The following NENF variants were observed in gnomAD, a reference collection of about 807,000 sequenced individuals.
NENF encodes the protein neudesin neurotrophic factor.
Under a neutral mutation model 14.8 loss-of-function variants are expected in NENF, and 6 were observed. That is an observed-to-expected ratio of 0.40 (90% CI 0.22 to 0.80). The LOEUF is 0.80. Among genes scored for constraint, NENF ranks in the 30% least tolerant of loss-of-function variants. The pLI is 0.34. For missense variants in NENF, 184 were observed against 212.7 expected, an observed-to-expected ratio of 0.87 and a Z score of 0.84; for synonymous variants, 76 against 95.1, an observed-to-expected ratio of 0.80 and a Z score of 1.17.
chr1:212,444,451 G>A lies in NENF; in HGVS notation c.342+9G>A. ...ACCTCACCCATGACACTGTGAGCCA[G>A]ATTATAAGCCTTTGTAAAATCCTCT... On this transcript the variant is annotated intron_variant, in intron 3 of 3. Coordinates refer to ENST00000366988, the MANE Select transcript of NENF (RefSeq NM_013349.5). The A allele has an allele frequency of 1.9e-6, 3 of 1,577,618 alleles. No individual in the cohort carries two copies. Among genetic ancestry groups the A allele is most frequent in the East Asian group, 2.3e-5 (1 of 43,992 alleles).
chr1:212,445,904 C>T lies in NENF; in HGVS notation c.417C>T (p.Ile139=), dbSNP rs1173915601. 9 of 1,614,130 alleles carry T rather than the reference C, an allele frequency of 5.6e-6. No individual in the cohort carries two copies. Among genetic ancestry groups the T allele is most frequent in the Admixed American group, 5.0e-5 (3 of 60,028 alleles). The change falls in exon 4 of 4, where the codon ATC becomes ATT. Residue 139 remains isoleucine, a synonymous_variant. Coordinates refer to ENST00000366988, the MANE Select transcript of NENF (RefSeq NM_013349.5). ...AAGTGTACAAAGCCAAATACCCCAT[C>T]GTCGGCTACACTGCCCGGAGAATTC... The part of the protein sequence containing the change: ...FTKVYKAKYP[I]VGYTARRILN...
chr1:212,433,260 G>T lies in NENF; in HGVS notation c.177+140G>T. 2.6e-6 allele frequency: 1 copy of T among 381,826 alleles called. No individual in the cohort carries two copies. The highest frequency in any genetic ancestry group is 4.2e-6 in the Non-Finnish European group (1 of 239,374). 23.7% of individuals were successfully genotyped at this position (381,826 alleles called of 1,614,324 possible). ...GCGGCGGGCGCCCTGGGCCGGCGGGGGGCCTCCTCTCTCTAGGCCCCGAAG... is the reference window on the plus strand; with the variant it reads ...GCGGCGGGCGCCCTGGGCCGGCGGGTGGCCTCCTCTCTCTAGGCCCCGAAG... On this transcript the variant is annotated intron_variant, in intron 1 of 3. Coordinates refer to ENST00000366988, the MANE Select transcript of NENF (RefSeq NM_013349.5). This position sits in a 1 kb window ranked among gnomAD's most constrained non-coding sequence, Gnocchi z 5.5.
chr1:212,445,955 G>A lies in NENF; in HGVS notation c.468G>A (p.Leu156=), dbSNP rs17019084. The change falls in exon 4 of 4, where the codon CTG becomes CTA. Residue 156 remains leucine (L), a synonymous_variant. Coordinates refer to ENST00000366988, the MANE Select transcript of NENF (RefSeq NM_013349.5). The part of the protein sequence containing the change: ...RILNEDGSPN[L]DFKPEDQPHF... ...TCAATGAGGATGGCAGCCCTAACCT[G>A]GACTTCAAGCCTGAAGACCAGCCCC... The A allele has an allele frequency of 4.7e-3, 7,645 of 1,614,142 alleles. 276 individuals carry two copies. In the African/African-American group the frequency reaches 0.085, roughly 18 times the overall value.
At chr1:212,442,399 C>A in intron 1 of NENF, 166 bp from the exon 2 acceptor site, 1 of 613,238 alleles carries the variant, frequency 1.6e-6, no homozygotes. Context: ...GGGCATGACG[C>A]TGCCCAGGCA....
intron 1 of NENF, chr1:212,434,946 G>A (rs1204632518): frequency 2.0e-5 from 3 of 152,394 alleles, no homozygotes; most frequent in Non-Finnish European, 2.9e-5. Flanking sequence ...GATCTCTGTA[G>A]GTGGAAGGAA....
chr1:212,439,119 A>AT (rs144575716), intron 1 of NENF, among the ~76,000 whole-genome samples: 5,519 of 152,152 alleles, frequency 0.036, 195 homozygotes, highest in East Asian at 0.13. Context: ...TGAGGTATCT[A>AT]TGTCACTCTG....
At chr1:212,442,501 A>T in intron 1 of NENF, 64 bp from the exon 2 acceptor site, 1 of 1,233,934 alleles carries the variant, frequency 8.1e-7, no homozygotes, top group Non-Finnish European at 1.2e-6. Context: ...AGAAGATTTT[A>T]CTAAGTTGCA....
In NENF at chr1:212,443,669, C is replaced by T. The variant is rs543388968; in HGVS notation, c.239-670C>T. ...CTTCTCAGAGTGCTGGGATTACAGG[C>T]GTGAGTCACCGCACCCAGCCTGCAT... On this transcript the variant is annotated intron_variant, in intron 2 of 3. Coordinates refer to ENST00000366988, the MANE Select transcript of NENF (RefSeq NM_013349.5). Among the ~76,000 whole-genome samples, 49 of 152,136 alleles carry T rather than the reference C, an allele frequency of 3.2e-4. No individual in the cohort carries two copies. The East Asian group carries it at 8.7e-3, about 27-fold the overall frequency.
chr1:212,435,279 T>C (rs1662585227), intron 1 of NENF, among the ~76,000 whole-genome samples: 1 of 152,232 alleles, frequency 6.6e-6, no homozygotes, highest in Non-Finnish European at 1.5e-5. Flanking sequence ...ATCTATACAG[T>C]TGATCCTTGA....
chr1:212,444,507 CT>C (rs1246372589), intron 3 of NENF, 65 bp downstream of exon 3: 12 of 1,070,980 alleles, frequency 1.1e-5, no homozygotes, highest in South Asian at 5.1e-5. Flanking sequence ...TTCTCTTTTT[CT>C]TTTTCTTTTC....
intron 1 of NENF, among the ~76,000 whole-genome samples, chr1:212,438,076 C>A (rs578199747): frequency 1.4e-4 from 21 of 152,222 alleles, no homozygotes; most frequent in African/African-American, 5.1e-4. Flanking sequence ...AAGGGTTGTA[C>A]AGAAGAGGTG....
chr1:212,435,411 C>T (rs978388604), intron 1 of NENF, among the ~76,000 whole-genome samples: 4 of 152,058 alleles, frequency 2.6e-5, no homozygotes, highest in African/African-American at 9.7e-5. Flanking sequence ...TTTTCACAGG[C>T]AGTCATGGTG....
At chr1:212,445,297 A>G (rs1662762149) in intron 3 of NENF, among the ~76,000 whole-genome samples, 1 of 152,196 alleles carries the variant, frequency 6.6e-6, no homozygotes. Context: ...CAAGGTCTAA[A>G]TAATTCCAAC....
At chr1:212,443,101 G>A (rs551378661) in intron 2 of NENF, among the ~76,000 whole-genome samples, 2 of 152,064 alleles carry the variant, frequency 1.3e-5, no homozygotes, top group African/African-American at 2.4e-5. Flanking sequence ...CTTCAGCAGG[G>A]GCTTTTTTCC....
chr1:212,445,740 TG>T, intron 3 of NENF, 89 bp from the exon 4 acceptor site: 1 of 1,316,192 alleles, frequency 7.6e-7, no homozygotes, highest in Non-Finnish European at 1.1e-6. Flanking sequence ...ATTAGGGATG[TG>T]GGAGGCAAGG....
chr1:212,446,074 C>G lies in NENF; in HGVS notation c.*68C>G. On this transcript the variant is annotated 3_prime_UTR_variant, in exon 4 of 4. Coordinates refer to ENST00000366988, the MANE Select transcript of NENF (RefSeq NM_013349.5). ...AAGACACTAGGTGCTGAATCTCCTG[C>G]AAAACTGGCTGCCTGGAGGCCCTGA... is the stretch of plus-strand genomic sequence containing the variant. 1 of 1,550,356 alleles carries G rather than the reference C, an allele frequency of 6.5e-7. No individual in the cohort carries two copies. The highest frequency in any genetic ancestry group is 8.9e-7 in the Non-Finnish European group (1 of 1,129,408).
In NENF at chr1:212,433,183, G is replaced by A; in HGVS notation, c.177+63G>A. ...GCGTCCGATCTGCGGCGAGCCGAGC[G>A]GGGACCCAGGAGGCGCCGGCGGCCC... On this transcript the variant is annotated intron_variant, in intron 1 of 3. Coordinates refer to ENST00000366988, the MANE Select transcript of NENF (RefSeq NM_013349.5). This position sits in a 1 kb window ranked among gnomAD's most constrained non-coding sequence, Gnocchi z 5.5. 9.4e-7 allele frequency: 1 copy of A among 1,069,094 alleles called. No individual in the cohort carries two copies. The highest frequency in any genetic ancestry group is 1.2e-6 in the Non-Finnish European group (1 of 863,062). The allele number at this position is 1,069,094 out of a possible 1,614,324, so 66.2% of individuals were successfully genotyped here. A position where few individuals can be genotyped will look rare whatever the true frequency, so the allele number is the denominator to read the frequency against.
At chr1:212,444,513 CTTTTCGTGTGT>C in intron 3 of NENF, 71 bp downstream of exon 3, 2 of 949,538 alleles carry the variant, frequency 2.1e-6, no homozygotes, top group Non-Finnish European at 3.1e-6. Context: ...TTTTCTTTTT[CTTTTCGTGTGT>C]GTGTGTGTGT....
chr1:212,439,885 T>G (rs968187633), intron 1 of NENF, among the ~76,000 whole-genome samples: 2 of 150,816 alleles, frequency 1.3e-5, no homozygotes, highest in South Asian at 4.2e-4. Context: ...GAAAAGAGTG[T>G]TAGTGATAAG....
Sources: gnomAD v4.1 joint callset for allele counts (sites outside exome capture counted in the v4.1 genomes callset) on GRCh38, gnomAD v4.1.1 for gene constraint, Gnocchi (gnomAD v3.1) non-coding constraint, MANE v1.5 for transcripts, NCBI Gene and HGNC (gene_info 2026-07-23, HGNC 2026-07-21) for gene names.